ATCAY: variants seen among roughly 807,000 people sequenced by gnomAD.
ATCAY encodes caytaxin.
In ATCAY, 22 loss-of-function variants were observed where a neutral mutation model predicts 47.7. The ratio of observed to expected loss-of-function variants is 0.46; its 90% CI spans 0.33 to 0.66. The LOEUF is 0.66. Among genes scored for constraint, ATCAY ranks in the 30% least tolerant of loss-of-function variants. ATCAY has a pLI of 0.02. For synonymous variants in ATCAY, 216 were observed against 207.6 expected, an observed-to-expected ratio of 1.04 and a Z score of -0.35; for missense variants, 452 against 515.0, an observed-to-expected ratio of 0.88 and a Z score of 1.18.
rs373392142 is a variant in ATCAY, at chr19:3,905,459, C to G, written c.162C>G (p.Asn54Lys). Residue 54 changes from asparagine to lysine, a missense_variant, in exon 4 of 13, where the codon AAC (asparagine) becomes AAG (lysine). Coordinates refer to ENST00000450849, the MANE Select transcript of ATCAY (RefSeq NM_033064.5). Reference protein sequence around the residue: ...TSSPPNTLNFNGAHRKRKTLV... With the variant: ...TSSPPNTLNFKGAHRKRKTLV... ...CTCCTCCCAACACGCTAAATTTCAA[C>G]GGAGCGCATCGTAAGAGGAAGACGC... is the stretch of plus-strand genomic sequence containing the variant. 3.7e-6 allele frequency: 6 copies of G among 1,612,010 alleles called. No homozygotes were observed. In the East Asian group the frequency reaches 1.1e-4, roughly 30 times the overall value.
chr19:3,911,430 A>G (rs1391035727), intron 8 of ATCAY, among the ~76,000 whole-genome samples: 1 of 151,954 alleles, frequency 6.6e-6, no homozygotes, highest in African/African-American at 2.4e-5. Context: ...AGGCTGAGGC[A>G]GGAGGATCAC....
At chr19:3,908,420 C>G (rs543167876) in intron 6 of ATCAY, 50 bp downstream of exon 6, 4 of 1,462,716 alleles carry the variant, frequency 2.7e-6, no homozygotes, top group Non-Finnish European at 2.8e-6. Flanking sequence ...TGATGCCTCC[C>G]TGGCCACAGG....
At chr19:3,921,119 CAG>C (rs1308459706) in intron 12 of ATCAY, among the ~76,000 whole-genome samples, 2 of 152,166 alleles carry the variant, frequency 1.3e-5, no homozygotes, top group Non-Finnish European at 2.9e-5. Context: ...AAAACCCACA[CAG>C]AGCCAAGCTC....
At chr19:3,886,446 C>T (rs1347422956) in intron 2 of ATCAY, among the ~76,000 whole-genome samples, 1 of 151,946 alleles carries the variant, frequency 6.6e-6, no homozygotes. Context: ...CAAAAATTAG[C>T]CGGGTGTGTG....
intron 9 of ATCAY, among the ~76,000 whole-genome samples, chr19:3,916,261 G>A (rs1186703003): frequency 2.0e-5 from 3 of 152,100 alleles, no homozygotes; most frequent in South Asian, 2.1e-4. Flanking sequence ...ATTCCATTGC[G>A]TGAATGGACC....
chr19:3,886,345 C>T (rs1336463370), intron 2 of ATCAY, among the ~76,000 whole-genome samples: 1 of 152,156 alleles, frequency 6.6e-6, no homozygotes, highest in Non-Finnish European at 1.5e-5. Context: ...GTAATCCCAG[C>T]ACTTTGGGAG....
At chr19:3,916,814 G>A (rs1401541017) in intron 9 of ATCAY, among the ~76,000 whole-genome samples, 2 of 150,780 alleles carry the variant, frequency 1.3e-5, no homozygotes, top group Admixed American at 6.6e-5. Flanking sequence ...GGGTTTTTCT[G>A]GTTTTTTTTT....
chr19:3,923,772 G>A (rs1301114753), intron 12 of ATCAY, among the ~76,000 whole-genome samples: 1 of 145,554 alleles, frequency 6.9e-6, no homozygotes, highest in African/African-American at 2.5e-5. Context: ...GGGTGAGTGG[G>A]TGGGTGGGTG....
At chr19:3,886,593 GAA>G (rs374891496) in intron 2 of ATCAY, among the ~76,000 whole-genome samples, 1 of 123,828 alleles carries the variant, frequency 8.1e-6, no homozygotes, top group African/African-American at 3.1e-5. Flanking sequence ...CATCTCAAAA[GAA>G]AAAAAAAAAA....
At chr19:3,903,181 C>T (rs1463893746) in intron 3 of ATCAY, among the ~76,000 whole-genome samples, 1 of 151,964 alleles carries the variant, frequency 6.6e-6, no homozygotes, top group Non-Finnish European at 1.5e-5. Context: ...GCTATGTTGC[C>T]CAGGCTGCTC....
intron 9 of ATCAY, among the ~76,000 whole-genome samples, chr19:3,916,507 T>A (rs2038967169): frequency 6.6e-6 from 1 of 152,232 alleles, no homozygotes; most frequent in Non-Finnish European, 1.5e-5. Flanking sequence ...TTGCTTTGCT[T>A]TTTTGAGACG....
chr19:3,903,800 CG>C (rs1350151602), intron 3 of ATCAY, among the ~76,000 whole-genome samples: 2 of 148,778 alleles, frequency 1.3e-5, no homozygotes, highest in African/African-American at 2.5e-5. Context: ...GTTGGGATTA[CG>C]GGCGTGAGCC....
rs984882566 is a variant in ATCAY at position 3,908,436 on chromosome 19, C to G, written c.647+66C>G. On this transcript the variant is annotated intron_variant, in intron 6 of 12. Transcript: ENST00000450849. ...GATGCCTCCCTGGCCACAGGGGCAC[C>G]AGGCTGCAAGGATTGCATTGTGGCC... The G allele has an allele frequency of 2.0e-5, 28 of 1,390,886 alleles. No homozygotes were observed. The African/African-American group carries it at 3.4e-4, about 17-fold the overall frequency. 86.2% of individuals were successfully genotyped at this position (1,390,886 alleles called of 1,614,324 possible).
At position 3,910,846 on chromosome 19, in the gene ATCAY, T is replaced by C; in HGVS notation, c.823T>C (p.Trp275Arg). ...GTCCTTGATCATCGTCCACCCCTCG[T>C]GGTTCATTCGGACTGTGCTGGCCAT... ...LKSLIIVHPSWFIRTVLAISR... is the reference protein window; with the variant it reads ...LKSLIIVHPSRFIRTVLAISR... Residue 275 changes from tryptophan (W) to arginine (R), a missense_variant, in exon 8 of 13, where the codon TGG becomes CGG. By Grantham distance (101) the Trp-to-Arg change is moderately radical. Coordinates refer to ENST00000450849, the MANE Select transcript of ATCAY (RefSeq NM_033064.5). 1 of 1,614,004 alleles carries C rather than the reference T, an allele frequency of 6.2e-7. No individual in the cohort carries two copies. Among genetic ancestry groups the C allele is most frequent in the Non-Finnish European group, 8.5e-7 (1 of 1,179,890 alleles).
At chr19:3,924,421 T>C (rs974013581) in intron 12 of ATCAY, among the ~76,000 whole-genome samples, 162 bp from the exon 13 acceptor site, 1 of 152,060 alleles carries the variant, frequency 6.6e-6, no homozygotes, top group Non-Finnish European at 1.5e-5. Flanking sequence ...ACTTAGAAAG[T>C]GGGTGGCAGG....
chr19:3,914,468 T>G (rs2038950183), intron 9 of ATCAY, among the ~76,000 whole-genome samples: 1 of 151,780 alleles, frequency 6.6e-6, no homozygotes, highest in South Asian at 2.1e-4. Flanking sequence ...ACCAGGTCAC[T>G]CCCACAACAG....
At chr19:3,888,039 C>T (rs1251550893) in intron 2 of ATCAY, among the ~76,000 whole-genome samples, 1 of 150,970 alleles carries the variant, frequency 6.6e-6, no homozygotes, top group African/African-American at 2.4e-5. Flanking sequence ...CACTTGAACC[C>T]GGGAGGCAGA....
chr19:3,910,950 T>TATGCACACACAA, intron 8 of ATCAY, 61 bp downstream of exon 8: 1 of 1,547,232 alleles, frequency 6.5e-7, no homozygotes, highest in Non-Finnish European at 8.9e-7. Flanking sequence ...TGCGTGTGTG[T>TATGCACACACAA]ATGCATGCAT....
intron 10 of ATCAY, among the ~76,000 whole-genome samples, chr19:3,918,000 A>G (rs1257838446): frequency 6.6e-6 from 1 of 152,258 alleles, no homozygotes; most frequent in Non-Finnish European, 1.5e-5. Context: ...AAAAGCTAAC[A>G]ACCACCTTGG....
Sources: allele counts gnomAD v4.1 joint callset (sites outside exome capture counted in the v4.1 genomes callset), GRCh38; gene constraint gnomAD v4.1.1; transcripts MANE v1.5; gene names NCBI Gene and HGNC (gene_info 2026-07-23, HGNC 2026-07-21).